AURKA: variants seen among roughly 807,000 people sequenced by gnomAD.
The protein encoded by AURKA is aurora kinase A, also known as aurora 2.
Under a neutral mutation model 40.9 loss-of-function variants are expected in AURKA, and 12 were observed. The observed-to-expected ratio is 0.29, with a 90% confidence interval of 0.19 to 0.48. The LOEUF is 0.48. Ranked by LOEUF, AURKA falls within the 20% of genes least tolerant of loss-of-function variation. The pLI is 0.99. For missense variants in AURKA, 322 were observed against 462.1 expected (o/e 0.70, Z 2.78); for synonymous variants, 170 against 164.3 (o/e 1.03, Z -0.26).
intron 7 of AURKA, among the ~76,000 whole-genome samples, chr20:56,372,744 T>A (rs1470987967): frequency 6.6e-6 from 1 of 152,196 alleles, no homozygotes; most frequent in Non-Finnish European, 1.5e-5. Flanking sequence ...ATATATGTTT[T>A]AAAATGCCCC....
At chr20:56,372,841 T>C (rs1327609278) in intron 7 of AURKA, among the ~76,000 whole-genome samples, 1 of 152,248 alleles carries the variant, frequency 6.6e-6, no homozygotes, top group Non-Finnish European at 1.5e-5. Context: ...AAGATTTGAA[T>C]TGTTTTGAGA....
chr20:56,369,409 T>G lies in AURKA; in HGVS notation c.*749A>C, dbSNP rs1428200177. 3 of 230,352 alleles carry G rather than the reference T, an allele frequency of 1.3e-5. No homozygotes were observed. Among genetic ancestry groups the G allele is most frequent in the Non-Finnish European group, 2.6e-5 (3 of 116,442 alleles). 14.3% of individuals were successfully genotyped at this position (230,352 alleles called of 1,614,324 possible). A position where few individuals can be genotyped will look rare whatever the true frequency, so the allele number is the denominator to read the frequency against. ...CACACAGACATAGATACTTATTTAT[T>G]TGCATATTTAAAGTTTACACACATG... On this transcript the variant is annotated 3_prime_UTR_variant, in exon 9 of 9. Transcript: ENST00000395915.
chr20:56,382,372 G>A (rs1030670730), intron 5 of AURKA, among the ~76,000 whole-genome samples: 1 of 152,122 alleles, frequency 6.6e-6, no homozygotes, highest in Admixed American at 6.6e-5. Flanking sequence ...GCCAGGTGTT[G>A]CCAGGCAGAG....
chr20:56,388,299 C>T, intron 1 of AURKA, 97 bp from the exon 2 acceptor site: 1 of 1,007,266 alleles, frequency 9.9e-7, no homozygotes, highest in South Asian at 1.3e-5. Flanking sequence ...ATCAAAAGGC[C>T]TCCACAACAC....
At chr20:56,387,128 A>G (rs186815139) in intron 2 of AURKA, among the ~76,000 whole-genome samples, 8 of 152,164 alleles carry the variant, frequency 5.3e-5, no homozygotes, top group Middle Eastern at 6.3e-3. Flanking sequence ...AAATGTAGAC[A>G]CTTCACAAAG....
At chr20:56,377,838 A>G in intron 6 of AURKA, among the ~76,000 whole-genome samples, 1 of 152,224 alleles carries the variant, frequency 6.6e-6, no homozygotes, top group Non-Finnish European at 1.5e-5. Context: ...CTAGAAATCA[A>G]AACAATGAGA....
intron 5 of AURKA, 134 bp downstream of exon 5, chr20:56,382,851 C>T (rs771533170): frequency 2.4e-5 from 22 of 899,438 alleles, no homozygotes; most frequent in Non-Finnish European, 3.6e-5. Flanking sequence ...AGGTGAGGAA[C>T]GGGGCCATGC....
intron 6 of AURKA, among the ~76,000 whole-genome samples, chr20:56,381,002 G>A (rs1318073804): frequency 6.6e-6 from 1 of 152,132 alleles, no homozygotes; most frequent in African/African-American, 2.4e-5. Flanking sequence ...AACTATCCTA[G>A]CCAGGTACAA....
Position 56,370,805 on chromosome 20 carries a change from C to T in AURKA, c.855-146G>A, listed in dbSNP as rs1984058719. The T allele has an allele frequency of 1.7e-5, 15 of 884,480 alleles. No individual in the cohort carries two copies. The East Asian group carries it at 3.7e-4, about 22-fold the overall frequency. The allele number at this position is 884,480 out of a possible 1,614,324, so 54.8% of individuals were successfully genotyped here. A position where few individuals can be genotyped will look rare whatever the true frequency, so the allele number is the denominator to read the frequency against. The stretch of plus-strand genomic sequence containing the variant: ...AGGAAGTAGCTACTATTATAAATTC[C>T]CATAGGAAACAGATGAAGCGAGGTG... On this transcript the variant is annotated intron_variant, in intron 7 of 8. Transcript: ENST00000395915.
At chr20:56,372,095 G>C (rs531729577) in intron 7 of AURKA, among the ~76,000 whole-genome samples, 26 of 152,314 alleles carry the variant, frequency 1.7e-4, no homozygotes, top group African/African-American at 5.8e-4. Context: ...CAGCAAGCCA[G>C]AACAGTCTGT....
At position 56,370,099 on chromosome 20, in the gene AURKA, A is replaced by G; in HGVS notation, c.*59T>C. On this transcript the variant is annotated 3_prime_UTR_variant, in exon 9 of 9. Transcript: ENST00000395915. ...CAATGGTAAAATAAACTTCAGTAGC[A>G]TGTTCCTGTCAGGTTATATGGCAGC... is the stretch of plus-strand genomic sequence containing the variant. The G allele has an allele frequency of 6.3e-7, 1 of 1,586,874 alleles. No individual in the cohort carries two copies. The highest frequency in any genetic ancestry group is 1.1e-5 in the South Asian group (1 of 90,478).
chr20:56,381,702 G>A (rs1199614937), intron 5 of AURKA, 131 bp from the exon 6 acceptor site: 2 of 1,137,296 alleles, frequency 1.8e-6, no homozygotes, highest in Non-Finnish European at 2.5e-6. Context: ...CCCCACTTTA[G>A]AATCTGAAAC....
chr20:56,377,027 C>G (rs1346362345), intron 6 of AURKA, among the ~76,000 whole-genome samples: 1 of 151,926 alleles, frequency 6.6e-6, no homozygotes, highest in Non-Finnish European at 1.5e-5. Flanking sequence ...TTGCAGTGAG[C>G]TGAGAACCAA....
At position 56,375,307 on chromosome 20, in the gene AURKA, CTTTTTT is replaced by C. The variant is rs59071872; in HGVS notation, c.706-1757_706-1752del. Among the ~76,000 whole-genome samples the C allele has an allele frequency of 5.3e-3, 699 of 131,850 alleles. 5 individuals are homozygous for C. The highest frequency in any genetic ancestry group is 0.012 in the Middle Eastern group (3 of 248). The allele number at this position is 131,850 out of a possible 152,430, so 86.5% of individuals were successfully genotyped here. ...CATGCCCAGCTAATTTTTAATCTTT[CTTTTTT>C]TTTTTTTTTTTTTTGTAGAGACAGT... On this transcript the variant is annotated intron_variant, in intron 6 of 8. Transcript: ENST00000395915.
intron 1 of AURKA, among the ~76,000 whole-genome samples, chr20:56,389,850 A>G (rs555297007): frequency 9.8e-5 from 15 of 152,294 alleles, no homozygotes; most frequent in African/African-American, 3.6e-4. Flanking sequence ...CCACCAGCAT[A>G]TTCTGTAGGC....
chr20:56,390,089 C>G (rs535530113), intron 1 of AURKA, among the ~76,000 whole-genome samples: 1 of 152,136 alleles, frequency 6.6e-6, no homozygotes, highest in Non-Finnish European at 1.5e-5. Context: ...CAAAACAATG[C>G]AAACTCCTAA....
At chr20:56,374,776 A>G (rs918674410) in intron 6 of AURKA, among the ~76,000 whole-genome samples, 1 of 152,126 alleles carries the variant, frequency 6.6e-6, no homozygotes, top group African/African-American at 2.4e-5. Flanking sequence ...GGCCAGGTGC[A>G]GTGGTTCATA....
In AURKA at chr20:56,373,603, C is replaced by T. The variant is rs922628480; in HGVS notation, c.706-47G>A. 8.8e-6 allele frequency: 14 copies of T among 1,594,928 alleles called. No homozygotes were observed. The highest frequency in any genetic ancestry group is 5.4e-5 in the African/African-American group (4 of 74,424). ...CCTATGTTTTAGATTTTATATAACA[C>T]AAGTTAATATTAGACATCTCTTCCG... On this transcript the variant is annotated intron_variant, in intron 6 of 8. Transcript: ENST00000395915. This position sits in a 1 kb window ranked among gnomAD's most constrained non-coding sequence, Gnocchi z 5.0.
At chr20:56,388,435 A>G (rs1311774560) in intron 1 of AURKA, 2 of 574,250 alleles carry the variant, frequency 3.5e-6, no homozygotes, top group Non-Finnish European at 3.1e-6. Context: ...TTCACTCCTG[A>G]TGGTCTTGCT....
Sources: allele counts gnomAD v4.1 joint callset (sites outside exome capture counted in the v4.1 genomes callset), GRCh38; gene constraint gnomAD v4.1.1; non-coding constraint Gnocchi (gnomAD v3.1); transcripts MANE v1.5; gene names NCBI Gene and HGNC (gene_info 2026-07-23, HGNC 2026-07-21).